Variants in ARID1A observed in about 807,000 individuals in gnomAD.
The protein encoded by ARID1A is AT-rich interactive domain-containing protein 1A.
In ARID1A, 20 loss-of-function variants were observed where a neutral mutation model predicts 212.6. The ratio of observed to expected loss-of-function variants is 0.09; its 90% confidence interval spans 0.07 to 0.14. ARID1A has a LOEUF of 0.14. Among genes scored for constraint, ARID1A ranks in the 10% least tolerant of loss-of-function variants. The pLI is 1.00. For synonymous variants in ARID1A, 1,376 were observed against 1,222.1 expected, an observed-to-expected ratio of 1.13 and a Z score of -2.63; for missense variants, 2,587 against 3,059.0, an observed-to-expected ratio of 0.85 and a Z score of 3.64.
chr1:26,718,750 G>A (rs955890610), intron 1 of ARID1A, among the ~76,000 whole-genome samples: 2 of 152,132 alleles, frequency 1.3e-5, no homozygotes, highest in Admixed American at 6.5e-5. Context: ...CACAACCATC[G>A]TAGGCCTACT....
chr1:26,773,430 G>A lies in ARID1A; in HGVS notation c.3800G>A (p.Gly1267Glu), dbSNP rs2124111032. 1.2e-6 allele frequency: 2 copies of A among 1,613,734 alleles called. No homozygotes were observed. Among genetic ancestry groups the A allele is most frequent in the Non-Finnish European group, 1.7e-6 (2 of 1,179,836 alleles). Residue 1267 changes from glycine (G) to glutamate (E), a missense_variant, in exon 15 of 20, where the codon GGG (glycine) becomes GAG (glutamate). Gly to Glu is a moderately conservative substitution (Grantham distance 98). Transcript: ENST00000324856. ...CCCTACAGTCGTGCTGCCGGCCCTG[G>A]GCTAGGAAATGTGGCGATGGGACCA... is the stretch of plus-strand genomic sequence containing the variant. ...GDPYSRAAGP[G>E]LGNVAMGPRQ...
Position 26,774,851 on chromosome 1 carries a change from G to A in ARID1A, c.4624G>A (p.Glu1542Lys), listed in dbSNP as rs2124121044. 2.5e-6 allele frequency: 4 copies of A among 1,607,178 alleles called. No individual in the cohort carries two copies. The highest frequency in any genetic ancestry group is 1.1e-5 in the South Asian group (1 of 90,502). Reference protein sequence around the residue: ...MLHTDQRANHEGSWPSHGTRQ... With the variant: ...MLHTDQRANHKGSWPSHGTRQ... ...GCACACAGATCAGAGGGCCAACCAC[G>A]AAGGCTCGTGGCCTTCCCATGGCAC... Residue 1542 changes from glutamate to lysine, a missense_variant, in exon 18 of 20, where the codon GAA (glutamate) becomes AAA (lysine). By Grantham distance (56) the Glu-to-Lys change is moderately conservative. Around this residue, in one of 11 missense-constraint regions of ARID1A, gnomAD observed 890 missense variants for 1,098.2 expected, o/e 0.81. Coordinates refer to ENST00000324856, the MANE Select transcript of ARID1A (RefSeq NM_006015.6). The surrounding 1 kb of genome is among the most constrained non-coding windows in gnomAD (Gnocchi z 5.6).
At chr1:26,700,993 C>G (rs961184384) in intron 1 of ARID1A, among the ~76,000 whole-genome samples, 1 of 152,154 alleles carries the variant, frequency 6.6e-6, no homozygotes. Context: ...TTTTAGGTTC[C>G]TTTCTTTGTG....
intron 1 of ARID1A, among the ~76,000 whole-genome samples, chr1:26,725,085 G>A (rs1229652126): frequency 6.6e-6 from 1 of 152,126 alleles, no homozygotes; most frequent in Non-Finnish European, 1.5e-5. Context: ...ATGTGTCTCT[G>A]TGGCAGAGCC....
chr1:26,732,814 G>A (rs2080693198), intron 4 of ARID1A, 22 bp downstream of exon 4: 1 of 1,585,552 alleles, frequency 6.3e-7, no homozygotes, highest in Non-Finnish European at 8.7e-7. Context: ...TGCACCTTCT[G>A]AAAGGTGATA....
At chr1:26,736,493 G>A (rs1215976717) in intron 4 of ARID1A, among the ~76,000 whole-genome samples, 1 of 151,872 alleles carries the variant, frequency 6.6e-6, no homozygotes, top group African/African-American at 2.4e-5. Context: ...GCTGGGCGTG[G>A]TGGCGGGCAC....
chr1:26,703,355 G>C (rs1320754805), intron 1 of ARID1A, among the ~76,000 whole-genome samples: 9 of 152,096 alleles, frequency 5.9e-5, no homozygotes, highest in Admixed American at 5.9e-4. Flanking sequence ...GTCTGTCTGT[G>C]GTCCTCTTCT....
intron 1 of ARID1A, among the ~76,000 whole-genome samples, chr1:26,721,674 A>T (rs895311568): frequency 6.6e-6 from 1 of 152,240 alleles, no homozygotes; most frequent in Non-Finnish European, 1.5e-5. Flanking sequence ...GATGATAGCC[A>T]CCTGTTATGG....
intron 1 of ARID1A, among the ~76,000 whole-genome samples, chr1:26,707,539 C>T (rs946060811): frequency 6.6e-6 from 1 of 152,112 alleles, no homozygotes; most frequent in South Asian, 2.1e-4. Context: ...GATGGGGTTT[C>T]ACCATGTTGG....
chr1:26,710,383 G>A (rs542673153), intron 1 of ARID1A, among the ~76,000 whole-genome samples: 3 of 134,496 alleles, frequency 2.2e-5, no homozygotes, highest in Admixed American at 7.4e-5. Flanking sequence ...GCAGTGAGCC[G>A]AGATCACGCT....
intron 1 of ARID1A, among the ~76,000 whole-genome samples, chr1:26,726,198 ACT>A (rs2080617105): frequency 7.4e-6 from 1 of 135,138 alleles, no homozygotes; most frequent in Non-Finnish European, 1.6e-5. Flanking sequence ...TTTGAGACAG[ACT>A]CTTGCTCTGC....
chr1:26,780,356 G>A lies in ARID1A; in HGVS notation c.6458G>A (p.Arg2153His), dbSNP rs747780610. ...RLEKLYSTMV[R>H]FLSDRKNPVC... ...GAGAAGTTGTATAGCACTATGGTGC[G>A]CTTCCTCAGTGACCGAAAGAACCCG... Residue 2153 changes from arginine (R) to histidine (H), a missense_variant, in exon 20 of 20, where the codon CGC becomes CAC. Around this residue, in one of 11 missense-constraint regions of ARID1A, gnomAD observed 168 missense variants for 321.0 expected, o/e 0.52. Coordinates refer to ENST00000324856, the MANE Select transcript of ARID1A (RefSeq NM_006015.6). The surrounding 1 kb of genome is among the most constrained non-coding windows in gnomAD (Gnocchi z 7.2). 22 of 1,614,118 alleles carry A rather than the reference G, an allele frequency of 1.4e-5. No individual in the cohort carries two copies. Among genetic ancestry groups the A allele is most frequent in the East Asian group, 8.9e-5 (4 of 44,896 alleles).
In ARID1A at chr1:26,696,563, G is replaced by T. The variant is rs1265229755; in HGVS notation, c.160G>T (p.Ala54Ser). Residue 54 changes from alanine (A) to serine (S), a missense_variant, in exon 1 of 20, where the codon GCC (alanine) becomes TCC (serine). This residue lies in a region of ARID1A where 735 missense variants were observed against 590.6 expected (regional missense o/e 1.24). Coordinates refer to ENST00000324856, the MANE Select transcript of ARID1A (RefSeq NM_006015.6). ...CGAGCGCGGGGAAATGAAGGCAGCC[G>T]CCGGGCAGGAAAGCGAGGGCCCCGC... is the stretch of plus-strand genomic sequence containing the variant. ...AAERGEMKAA[A>S]GQESEGPAVG... 8 of 1,229,026 alleles carry T rather than the reference G, an allele frequency of 6.5e-6. No homozygotes were observed. Among genetic ancestry groups the T allele is most frequent in the Non-Finnish European group, 8.1e-6 (8 of 989,062 alleles). 76.1% of individuals were successfully genotyped at this position (1,229,026 alleles called of 1,614,324 possible). A position where few individuals can be genotyped will look rare whatever the true frequency, so the allele number is the denominator to read the frequency against.
rs2124062685 is a variant in ARID1A at position 26,762,152 on chromosome 1, G to C, written c.2252G>C (p.Gly751Ala). The C allele has an allele frequency of 6.2e-7, 1 of 1,612,592 alleles. No homozygotes were observed. Among genetic ancestry groups the C allele is most frequent in the Admixed American group, 1.7e-5 (1 of 59,750 alleles). ...MNQSSIAQDR[G>A]YMQRNPQMPQ... ...CTATATGGATGCTACCCACAAATAG[G>C]TTATATGCAGAGGAACCCCCAGATG... The change falls in exon 7 of 20, where the codon GGT becomes GCT. Residue 751 changes from glycine (G) to alanine (A), a missense_variant and splice_region_variant. Transcript: ENST00000324856.
At chr1:26,728,463 A>G (rs1406537983) in intron 1 of ARID1A, among the ~76,000 whole-genome samples, 1 of 152,232 alleles carries the variant, frequency 6.6e-6, no homozygotes. Context: ...ATTATAGAAT[A>G]GCTTATTAAT....
rs763824918 is a variant in ARID1A, at chr1:26,697,498, G to C, written c.1095G>C (p.Gly365=). 6 of 1,407,954 alleles carry C rather than the reference G, an allele frequency of 4.3e-6. No individual in the cohort carries two copies. The highest frequency in any genetic ancestry group is 3.0e-5 in the African/African-American group (2 of 66,060). The allele number at this position is 1,407,954 out of a possible 1,614,324, so 87.2% of individuals were successfully genotyped here. The change falls in exon 1 of 20, where the codon GGG becomes GGC. Residue 365 remains glycine, a synonymous_variant. Transcript: ENST00000324856. ...QRSHHAPMSP[G]SSGGGGQPLA... ...GCCACCACGCGCCCATGAGCCCCGGGAGCAGCGGCGGCGGGGGGCAGCCGC... is the reference window on the plus strand; with the variant it reads ...GCCACCACGCGCCCATGAGCCCCGGCAGCAGCGGCGGCGGGGGGCAGCCGC...
chr1:26,775,265 A>AT, intron 18 of ARID1A, 45 bp downstream of exon 18: 1 of 1,526,812 alleles, frequency 6.5e-7, no homozygotes, highest in Non-Finnish European at 8.8e-7. Context: ...GCCCCTTTCC[A>AT]TCTTGTCCAT....
chr1:26,773,071 G>T (rs2081098073), intron 14 of ARID1A, 84 bp downstream of exon 14: 1 of 1,518,342 alleles, frequency 6.6e-7, no homozygotes, highest in Non-Finnish European at 8.9e-7. Flanking sequence ...ATGGCTCAGG[G>T]TTCTTGTGGA....
Position 26,731,483 on chromosome 1 carries a change from A to G in ARID1A, c.1682A>G (p.Gln561Arg), listed in dbSNP as rs2124789777. The change falls in exon 3 of 20, where the codon CAG becomes CGG. Residue 561 changes from glutamine to arginine, a missense_variant. Physicochemically the swap from Gln to Arg is conservative, Grantham distance 43. Transcript: ENST00000324856. ...YSQPQAQSPY[Q>R]QQQPQQPAPS... The stretch of plus-strand genomic sequence containing the variant: ...CAGCCACAGGCTCAGTCTCCTTACC[A>G]GCAGCAGCAACCTCAGCAGCCAGCA... 1 of 1,613,286 alleles carries G rather than the reference A, an allele frequency of 6.2e-7. No individual in the cohort carries two copies.
Sources: gnomAD v4.1 joint callset for allele counts (sites outside exome capture counted in the v4.1 genomes callset) on GRCh38, gnomAD v4.1.1 for gene constraint, gnomAD v4.1.1 regional missense constraint, Gnocchi (gnomAD v3.1) non-coding constraint, MANE v1.5 for transcripts, NCBI Gene and HGNC (gene_info 2026-07-23, HGNC 2026-07-21) for gene names.